CACNA2D3: variants seen among roughly 807,000 people sequenced by gnomAD.
CACNA2D3 encodes the protein calcium voltage-gated channel auxiliary subunit alpha2delta 3.
Under a neutral mutation model 160.6 loss-of-function variants are expected in CACNA2D3, and 60 were observed. The ratio of observed to expected loss-of-function variants is 0.37; its 90% CI spans 0.30 to 0.46. The LOEUF (loss-of-function observed/expected upper bound fraction) is 0.46. CACNA2D3 is among the 20% of genes least tolerant of loss of function. The pLI, the probability that CACNA2D3 is intolerant of heterozygous loss-of-function variation, is 1.00. For synonymous variants in CACNA2D3, 558 were observed against 492.9 expected, an observed-to-expected ratio of 1.13 and a Z score of -1.75; for missense variants, 1,205 against 1,365.0, an observed-to-expected ratio of 0.88 and a Z score of 1.85.
At chr3:54,389,059 C>T (rs943891741) in intron 4 of CACNA2D3, among the ~76,000 whole-genome samples, 6 of 152,122 alleles carry the variant, frequency 3.9e-5, no homozygotes, top group East Asian at 3.8e-4. Flanking sequence ...AGTCCCAGCA[C>T]GTTGGGAGGC....
intron 3 of CACNA2D3, among the ~76,000 whole-genome samples, chr3:54,338,931 A>G (rs1218428279): frequency 1.3e-5 from 2 of 152,182 alleles, no homozygotes; most frequent in African/African-American, 2.4e-5. Flanking sequence ...CAGCATCACC[A>G]CAGACATTCC....
Position 54,880,913 on chromosome 3 carries a change from G to A in CACNA2D3, c.1912+50G>A, listed in dbSNP as rs772547703. The A allele has an allele frequency of 6.8e-5, 102 of 1,503,994 alleles. No homozygotes were observed. The Middle Eastern group carries it at 1.5e-3, about 23-fold the overall frequency. The allele number at this position is 1,503,994 out of a possible 1,614,324, so 93.2% of individuals were successfully genotyped here. A position where few individuals can be genotyped will look rare whatever the true frequency, so the allele number is the denominator to read the frequency against. Reference sequence around the variant, plus strand: ...ATCCTTTGGTGTGGGAGGAAAGCTCGGGAGCTAGCTACTGAGTTAGCTGAA... The same window carrying A: ...ATCCTTTGGTGTGGGAGGAAAGCTCAGGAGCTAGCTACTGAGTTAGCTGAA... On this transcript the variant is annotated intron_variant, in intron 21 of 37. Transcript: ENST00000474759.
At chr3:54,298,944 T>TAAAAAAAAA (rs59100168) in intron 2 of CACNA2D3, among the ~76,000 whole-genome samples, 3 of 99,250 alleles carry the variant, frequency 3.0e-5, no homozygotes, top group Non-Finnish European at 3.9e-5. Flanking sequence ...CTCTGTTTCT[T>TAAAAAAAAA]AAAAAAAAAA....
chr3:54,345,071 C>T (rs1306024795), intron 3 of CACNA2D3, among the ~76,000 whole-genome samples: 2 of 152,206 alleles, frequency 1.3e-5, no homozygotes, highest in African/African-American at 4.8e-5. Flanking sequence ...GAATAATCCA[C>T]CCCTTGTTTA....
intron 2 of CACNA2D3, among the ~76,000 whole-genome samples, chr3:54,153,253 G>T (rs1380679549): frequency 6.6e-6 from 1 of 152,202 alleles, no homozygotes; most frequent in Admixed American, 6.5e-5. Context: ...ATATGTGAAA[G>T]CTCTGACCAC....
chr3:54,696,773 A>C (rs1347139015), intron 11 of CACNA2D3, among the ~76,000 whole-genome samples: 1 of 152,178 alleles, frequency 6.6e-6, no homozygotes, highest in Non-Finnish European at 1.5e-5. Context: ...AGAATGCTAA[A>C]ATGGGGCTAA....
At chr3:54,674,309 TCATTCATC>T (rs946418671) in intron 11 of CACNA2D3, among the ~76,000 whole-genome samples, 3 of 152,056 alleles carry the variant, frequency 2.0e-5, no homozygotes, top group African/African-American at 4.8e-5. Flanking sequence ...ATTCATTCAT[TCATTCATC>T]CATTCATTTG....
intron 13 of CACNA2D3, among the ~76,000 whole-genome samples, chr3:54,770,522 G>C (rs1180464060): frequency 6.6e-6 from 1 of 152,200 alleles, no homozygotes; most frequent in African/African-American, 2.4e-5. Flanking sequence ...TTAAATGAGT[G>C]CTGGCAGCAA....
In CACNA2D3 at chr3:54,982,614, TA is replaced by T. The variant is rs200545210; in HGVS notation, c.2557-1993del. Among the ~76,000 whole-genome samples the T allele has an allele frequency of 5.3e-5, 8 of 152,218 alleles. No homozygotes were observed. The East Asian group carries it at 1.5e-3, about 29-fold the overall frequency. Reference sequence around the variant, plus strand: ...TGTAAGAAGGAATTCAGGGCAAGTTTATAAAGTGAAAACAAGTTTATTAGGA... The same window carrying T: ...TGTAAGAAGGAATTCAGGGCAAGTTTTAAAGTGAAAACAAGTTTATTAGGA... On this transcript the variant is annotated intron_variant, in intron 29 of 37. Transcript: ENST00000474759.
intron 27 of CACNA2D3, among the ~76,000 whole-genome samples, chr3:54,939,624 A>G (rs75966590): frequency 0.023 from 3,455 of 152,328 alleles, 57 homozygotes; most frequent in Non-Finnish European, 0.037. Flanking sequence ...AGAGTTAGCA[A>G]TAACCTGGTC....
At chr3:54,159,301 G>C (rs1346059714) in intron 2 of CACNA2D3, among the ~76,000 whole-genome samples, 1 of 150,966 alleles carries the variant, frequency 6.6e-6, no homozygotes, top group Non-Finnish European at 1.5e-5. Context: ...ACTTTTCCTT[G>C]CTCAGTGCAT....
At chr3:54,391,516 C>T (rs13078159) in intron 4 of CACNA2D3, among the ~76,000 whole-genome samples, 47,919 of 140,954 alleles carry the variant, frequency 0.34, 8,258 homozygotes, top group East Asian at 0.41. Context: ...TTCTTTCTTT[C>T]TTTTTTTTTT....
In CACNA2D3 at chr3:54,429,419, T is replaced by G. The variant is rs895593102; in HGVS notation, c.381+42645T>G. On this transcript the variant is annotated intron_variant, in intron 4 of 37. Transcript: ENST00000474759. ...TATTTCTTTCTTTCTTCTCTCGTAA[T>G]TTTCAAATGGCAAACCACCTGATTT... Among the ~76,000 whole-genome samples, 4 of 152,156 alleles carry G rather than the reference T, an allele frequency of 2.6e-5. 1 individual carries two copies. The highest frequency in any genetic ancestry group is 2.0e-4 in the Admixed American group (3 of 15,268).
chr3:54,190,168 A>G (rs79664111), intron 2 of CACNA2D3, among the ~76,000 whole-genome samples: 4 of 152,162 alleles, frequency 2.6e-5, no homozygotes, highest in African/African-American at 9.7e-5. Flanking sequence ...TGGAGCCCTC[A>G]TGATCTAATC....
intron 24 of CACNA2D3, among the ~76,000 whole-genome samples, chr3:54,888,841 T>C (rs1026632233): frequency 6.6e-6 from 1 of 152,200 alleles, no homozygotes; most frequent in African/African-American, 2.4e-5. Context: ...ACTGTGTGTC[T>C]GTTATGTGCC....
intron 4 of CACNA2D3, among the ~76,000 whole-genome samples, chr3:54,460,280 C>A (rs1700476795): frequency 6.6e-6 from 1 of 152,042 alleles, no homozygotes; most frequent in African/African-American, 2.4e-5. Context: ...TCCATATGAA[C>A]TTTAAAGTAG....
rs1491160047 is a variant in CACNA2D3 at position 54,822,790 on chromosome 3, C to CTTTTCTTTCTTT, written c.1398+5920_1398+5921insTTTTCTTTCTTT. ...TCTTTCTTTCTTTCTTTCTTTCTTT[C>CTTTTCTTTCTTT]CTTTCTTTCTTTCTTTCTTTCTTTC... On this transcript the variant is annotated intron_variant, in intron 14 of 37. Transcript: ENST00000474759. Among the ~76,000 whole-genome samples, 15 of 71,958 alleles carry CTTTTCTTTCTTT rather than the reference C, an allele frequency of 2.1e-4. 1 individual carries two copies. The highest frequency in any genetic ancestry group is 8.7e-4 in the African/African-American group (15 of 17,274). 47.2% of individuals were successfully genotyped at this position (71,958 alleles called of 152,430 possible).
At chr3:55,063,339 CCAGA>C (rs1386833826) in intron 35 of CACNA2D3, among the ~76,000 whole-genome samples, 1 of 151,408 alleles carries the variant, frequency 6.6e-6, no homozygotes, top group Non-Finnish European at 1.5e-5. Context: ...CAATTCTAGA[CCAGA>C]CAGTCTCAGC....
intron 14 of CACNA2D3, among the ~76,000 whole-genome samples, chr3:54,818,338 A>G (rs779382700): frequency 6.6e-6 from 1 of 152,132 alleles, no homozygotes; most frequent in Non-Finnish European, 1.5e-5. Context: ...GCGCCACCGC[A>G]CCTGGCTTAT....
Sources: allele counts gnomAD v4.1 joint callset (sites outside exome capture counted in the v4.1 genomes callset), GRCh38; gene constraint gnomAD v4.1.1; transcripts MANE v1.5; gene names NCBI Gene and HGNC (gene_info 2026-07-23, HGNC 2026-07-21).